The following SNAPC3 variants were observed in gnomAD, a reference collection of about 807,000 sequenced individuals.
SNAPC3 encodes small nuclear RNA activating complex polypeptide 3.
Under a neutral mutation model 47.7 loss-of-function variants are expected in SNAPC3, and 56 were observed. The ratio of observed to expected loss-of-function variants is 1.18; its 90% CI spans 0.95 to 1.47. SNAPC3 has a LOEUF of 1.47. Among genes scored for constraint, SNAPC3 ranks in the 40% most tolerant of loss-of-function variants. SNAPC3 has a pLI of 0.00. For synonymous variants in SNAPC3, 235 were observed against 189.9 expected (o/e 1.24, Z -1.95); for missense variants, 665 against 511.3 (o/e 1.30, Z -2.90).
chr9:15,427,734 C>G (rs989747268), intron 2 of SNAPC3, among the ~76,000 whole-genome samples: 2 of 152,166 alleles, frequency 1.3e-5, no homozygotes, highest in Admixed American at 6.5e-5. Context: ...GCACTGTTTA[C>G]AGGTCCAGGA....
downstream of SNAPC3, chr9:15,464,995 T>C (rs993004570): frequency 3.2e-5 from 7 of 219,298 alleles, no homozygotes; most frequent in African/African-American, 1.6e-4. Context: ...ATGTAGACTG[T>C]GAGATTAAAA....
At chr9:15,466,661 T>C, downstream of SNAPC3, 2 of 1,019,862 alleles carry the variant, frequency 2.0e-6, no homozygotes, top group East Asian at 2.7e-5. Flanking sequence ...TAACTGCTTA[T>C]TATAGTAAGA....
chr9:15,423,055 G>A lies in SNAPC3; in HGVS notation c.176G>A (p.Gly59Glu). ...ELWRGRLRGA[G>E]DLSLREPPAS... is the part of the protein sequence containing the mutation. ...TGGCGGGGCCGTCTGCGCGGGGCCGGGGACTTGTCGCTGAGGGAGCCGCCG... is the reference window on the plus strand; with the variant it reads ...TGGCGGGGCCGTCTGCGCGGGGCCGAGGACTTGTCGCTGAGGGAGCCGCCG... Residue 59 changes from glycine (G) to glutamate (E), a missense_variant, in exon 1 of 9, where the codon GGG becomes GAG. By Grantham distance (98) the Gly-to-Glu change is moderately conservative. Transcript: ENST00000380821. The A allele has an allele frequency of 1.3e-6, 2 of 1,518,248 alleles. No homozygotes were observed. Among genetic ancestry groups the A allele is most frequent in the Non-Finnish European group, 1.8e-6 (2 of 1,141,158 alleles). 94.0% of individuals were successfully genotyped at this position (1,518,248 alleles called of 1,614,324 possible).
At chr9:15,454,309 TCTCCAAA>T (rs2034613355) in intron 7 of SNAPC3, among the ~76,000 whole-genome samples, 5 of 152,082 alleles carry the variant, frequency 3.3e-5, no homozygotes, top group African/African-American at 9.7e-5. Flanking sequence ...TACTGACTCT[TCTCCAAA>T]ATTTTGTATC....
At chr9:15,459,457 T>C (rs186898746) in intron 8 of SNAPC3, among the ~76,000 whole-genome samples, 23 of 152,216 alleles carry the variant, frequency 1.5e-4, no homozygotes, top group African/African-American at 5.5e-4. Flanking sequence ...AATAGATTTA[T>C]ATTCTTCCTT....
chr9:15,448,060 C>T (rs938337896), intron 5 of SNAPC3, among the ~76,000 whole-genome samples: 5 of 152,064 alleles, frequency 3.3e-5, no homozygotes, highest in Admixed American at 2.0e-4. Flanking sequence ...TGGCAGAGGG[C>T]CTCAGGTTTA....
At chr9:15,447,275 G>A in intron 5 of SNAPC3, 31 bp downstream of exon 5, 3 of 1,604,444 alleles carry the variant, frequency 1.9e-6, no homozygotes, top group African/African-American at 1.3e-5. Context: ...AAAACAAAAG[G>A]AAATAACAAG....
intron 5 of SNAPC3, among the ~76,000 whole-genome samples, chr9:15,448,741 T>A (rs2034135103): frequency 6.6e-6 from 1 of 152,210 alleles, no homozygotes; most frequent in Admixed American, 6.5e-5. Flanking sequence ...CTCAGTGCTT[T>A]TGGAGAGAAA....
chr9:15,453,107 A>G lies in SNAPC3; in HGVS notation c.882A>G (p.Glu294=), dbSNP rs764185788. The G allele has an allele frequency of 6.2e-7, 1 of 1,613,072 alleles. No homozygotes were observed. The part of the protein sequence containing the change: ...GYGKFQTARM[E]DFTFNDLCIK... ...GAAAGTTTCAGACTGCTAGAATGGA[A>G]GATTTCACCTTCAATGACTTGTGTA... Residue 294 remains glutamate (E), a synonymous_variant, in exon 7 of 9, where the codon GAA becomes GAG. Coordinates refer to ENST00000380821, the MANE Select transcript of SNAPC3 (RefSeq NM_001039697.2).
downstream of SNAPC3, among the ~76,000 whole-genome samples, chr9:15,466,162 G>A (rs140480596): frequency 4.9e-3 from 743 of 152,306 alleles, 4 homozygotes; most frequent in African/African-American, 0.017. Flanking sequence ...TGGATCACCT[G>A]AGGTCAGGAG....
At chr9:15,444,571 C>A in intron 3 of SNAPC3, 31 bp from the exon 4 acceptor site, 1 of 1,336,442 alleles carries the variant, frequency 7.5e-7, no homozygotes, top group South Asian at 1.2e-5. Flanking sequence ...GTTATAGTAT[C>A]TGATTTCAGT....
At chr9:15,440,524 C>G (rs577133616) in intron 3 of SNAPC3, among the ~76,000 whole-genome samples, 1 of 151,806 alleles carries the variant, frequency 6.6e-6, no homozygotes, top group African/African-American at 2.4e-5. Context: ...AAAAGAAAAA[C>G]AAAAGTAAAA....
At chr9:15,437,110 C>A (rs1482540883) in intron 3 of SNAPC3, among the ~76,000 whole-genome samples, 1 of 152,128 alleles carries the variant, frequency 6.6e-6, no homozygotes, top group Non-Finnish European at 1.5e-5. Flanking sequence ...CAGACGTGAG[C>A]CACCGTGCCC....
intron 3 of SNAPC3, among the ~76,000 whole-genome samples, chr9:15,444,243 C>G (rs1343189955): frequency 6.6e-6 from 1 of 152,188 alleles, no homozygotes; most frequent in African/African-American, 2.4e-5. Context: ...TGTAAAATAG[C>G]TTTCACAGGA....
intron 2 of SNAPC3, 29 bp from the exon 3 acceptor site, chr9:15,433,523 T>A: frequency 1.0e-6 from 1 of 987,872 alleles, no homozygotes; most frequent in Non-Finnish European, 1.4e-6. Context: ...TGAACTTTGA[T>A]TTTTTTTTTT....
intron 8 of SNAPC3, among the ~76,000 whole-genome samples, chr9:15,458,485 T>G (rs555110563): frequency 4.6e-5 from 7 of 152,328 alleles, no homozygotes; most frequent in African/African-American, 1.7e-4. Flanking sequence ...TCCAAAATGC[T>G]CGAGAGCCAT....
chr9:15,436,910 G>A (rs1312975454), intron 3 of SNAPC3, among the ~76,000 whole-genome samples: 3 of 143,288 alleles, frequency 2.1e-5, no homozygotes, highest in Admixed American at 7.4e-5. Flanking sequence ...CGCAACCTTC[G>A]CCTCCCGGGT....
chr9:15,461,328 ATTT>A lies in SNAPC3; in HGVS notation c.*1467_*1469del, dbSNP rs964625578. On this transcript the variant is annotated 3_prime_UTR_variant, in exon 9 of 9. Transcript: ENST00000380821. Reference sequence around the variant, plus strand: ...TGGCACAGGCCACCATGGCGGGCTAATTTTTTTATTTCTTGTAGATACAGGGTT... The same window carrying A: ...TGGCACAGGCCACCATGGCGGGCTAATTTTATTTCTTGTAGATACAGGGTT... The A allele has an allele frequency of 6.6e-6, 1 of 152,184 alleles. No homozygotes were observed. Among genetic ancestry groups the A allele is most frequent in the African/African-American group, 2.4e-5 (1 of 41,516 alleles). The allele number at this position is 152,184 out of a possible 1,614,324, so 9.4% of individuals were successfully genotyped here. A position where few individuals can be genotyped will look rare whatever the true frequency, so the allele number is the denominator to read the frequency against.
downstream of SNAPC3, chr9:15,462,841 A>G (rs967720522): frequency 5.3e-5 from 8 of 152,220 alleles, no homozygotes; most frequent in Non-Finnish European, 1.0e-4. Flanking sequence ...GAGTTTAATG[A>G]TACAGGTTTG....
Sources: gnomAD v4.1 joint callset for allele counts (sites outside exome capture counted in the v4.1 genomes callset) on GRCh38, gnomAD v4.1.1 for gene constraint, MANE v1.5 for transcripts, NCBI Gene and HGNC (gene_info 2026-07-23, HGNC 2026-07-21) for gene names.